Variants in MGAT4C observed in about 807,000 individuals in gnomAD.
MGAT4C encodes the protein alpha-1,3-mannosyl-glycoprotein 4-beta-N-acetylglucosaminyltransferase C.
In MGAT4C, 19 loss-of-function variants were observed where a neutral mutation model predicts 40.1. That is an observed-to-expected ratio of 0.47 (90% confidence interval 0.33 to 0.70). The LOEUF (loss-of-function observed/expected upper bound fraction) is 0.70, where lower values mean the gene tolerates loss of function less well. Among genes scored for constraint, MGAT4C ranks in the 30% least tolerant of loss-of-function variants. The probability of loss-of-function intolerance (pLI) is 0.02; values close to 1 mark genes in which losing one functional copy is unlikely to be tolerated. For missense variants in MGAT4C, 491 were observed against 563.2 expected (o/e 0.87, Z 1.30); for synonymous variants, 181 against 187.1 (o/e 0.97, Z 0.27).
intron 2 of MGAT4C, among the ~76,000 whole-genome samples, chr12:86,691,295 C>A (rs1950169175): frequency 6.6e-6 from 1 of 152,088 alleles, no homozygotes; most frequent in Admixed American, 6.6e-5. Context: ...AGAGAGAAAC[C>A]AAAAGCAATA....
chr12:86,262,408 T>A (rs1952677628), intron 4 of MGAT4C, among the ~76,000 whole-genome samples: 1 of 152,156 alleles, frequency 6.6e-6, no homozygotes, highest in African/African-American at 2.4e-5. Flanking sequence ...TTTCTTTTTA[T>A]CTAGGTGTCT....
intron 2 of MGAT4C, among the ~76,000 whole-genome samples, chr12:86,718,196 G>A (rs1369121743): frequency 6.6e-6 from 1 of 152,156 alleles, no homozygotes; most frequent in Non-Finnish European, 1.5e-5. Flanking sequence ...AACCATGATG[G>A]TAAAATAAAC....
At chr12:86,704,862 T>C (rs1950427310) in intron 2 of MGAT4C, among the ~76,000 whole-genome samples, 2 of 152,136 alleles carry the variant, frequency 1.3e-5, no homozygotes, top group Non-Finnish European at 2.9e-5. Context: ...ATGCCAACCA[T>C]GTCACTGTCA....
intron 3 of MGAT4C, among the ~76,000 whole-genome samples, chr12:86,398,900 C>T (rs754887970): frequency 6.6e-6 from 1 of 152,096 alleles, no homozygotes; most frequent in Non-Finnish European, 1.5e-5. Flanking sequence ...TCTGAACAGG[C>T]AGGTCTGGGA....
At chr12:86,053,721 AAACT>A (rs911382400) in intron 1 of MGAT4C, among the ~76,000 whole-genome samples, 3 of 152,036 alleles carry the variant, frequency 2.0e-5, no homozygotes, top group Admixed American at 6.6e-5. Context: ...GAACTCAAAC[AAACT>A]ATTAGCAAGA....
At chr12:86,171,049 A>C (rs1886775710) in intron 1 of MGAT4C, among the ~76,000 whole-genome samples, 1 of 151,942 alleles carries the variant, frequency 6.6e-6, no homozygotes, top group Admixed American at 6.6e-5. Flanking sequence ...AGACTTTTCA[A>C]TATCCATGAT....
intron 1 of MGAT4C, among the ~76,000 whole-genome samples, chr12:86,801,669 T>A (rs930748429): frequency 2.6e-5 from 4 of 151,704 alleles, no homozygotes; most frequent in African/African-American, 9.7e-5. Context: ...TTGGAATGAG[T>A]CATTCTTTTC....
intron 1 of MGAT4C, among the ~76,000 whole-genome samples, chr12:86,794,174 A>G (rs1952073238): frequency 6.6e-6 from 1 of 151,824 alleles, no homozygotes; most frequent in South Asian, 2.1e-4. Context: ...TAGATTTTAT[A>G]AAAATATATT....
intron 1 of MGAT4C, among the ~76,000 whole-genome samples, chr12:86,245,529 A>G (rs1358331584): frequency 6.6e-6 from 1 of 152,116 alleles, no homozygotes; most frequent in Admixed American, 6.5e-5. Context: ...AGTCATCTTC[A>G]GTTTAGCCCG....
chr12:86,343,205 AT>A (rs1467775343), intron 3 of MGAT4C, among the ~76,000 whole-genome samples: 1 of 152,202 alleles, frequency 6.6e-6, no homozygotes, highest in Non-Finnish European at 1.5e-5. Flanking sequence ...AGAAACATAC[AT>A]ATACTGGTTG....
chr12:86,548,476 A>G (rs1464269701), intron 2 of MGAT4C, among the ~76,000 whole-genome samples: 1 of 152,044 alleles, frequency 6.6e-6, no homozygotes. Flanking sequence ...CCAATTCCCA[A>G]TTTGCTTTAG....
chr12:86,126,529 G>T (rs1411099193), intron 1 of MGAT4C, among the ~76,000 whole-genome samples: 6 of 151,940 alleles, frequency 3.9e-5, no homozygotes, highest in African/African-American at 1.5e-4. Context: ...ATAGAAATAA[G>T]ATATCTCAGT....
intron 1 of MGAT4C, among the ~76,000 whole-genome samples, chr12:86,171,852 G>A (rs1886889274): frequency 6.6e-6 from 1 of 152,100 alleles, no homozygotes; most frequent in Non-Finnish European, 1.5e-5. Flanking sequence ...CTCACCCTTA[G>A]AATTTATTTT....
At position 86,749,135 on chromosome 12, in the gene MGAT4C, A is replaced by G. The variant is rs548427827; in HGVS notation, c.-261-21894T>C. Among the ~76,000 whole-genome samples the G allele has an allele frequency of 2.0e-4, 31 of 151,788 alleles. 1 individual carries two copies. The South Asian group carries it at 6.2e-3, about 30-fold the overall frequency. ...AGCTGCAAACAAACATGTTTAAAGT[A>G]ATGTTAAGAGTAATCAGACATAATT... On this transcript the variant is annotated intron_variant, in intron 1 of 7. Coordinates refer to the MGAT4C transcript ENST00000548651.
chr12:85,992,316 A>G (rs1200862678), intron 2 of MGAT4C, among the ~76,000 whole-genome samples: 1 of 152,162 alleles, frequency 6.6e-6, no homozygotes, highest in East Asian at 1.9e-4. Context: ...GTGTCCTTTC[A>G]TGCATATCTA....
At chr12:86,107,567 T>A (rs1170447420) in intron 1 of MGAT4C, among the ~76,000 whole-genome samples, 3 of 152,114 alleles carry the variant, frequency 2.0e-5, no homozygotes, top group African/African-American at 7.2e-5. Context: ...ATATAAAAAG[T>A]TTTTTCTTAG....
chr12:86,768,080 C>T (rs980514517), intron 1 of MGAT4C, among the ~76,000 whole-genome samples: 1 of 152,074 alleles, frequency 6.6e-6, no homozygotes, highest in African/African-American at 2.4e-5. Context: ...TCAAATTATC[C>T]CTGTTTGCAG....
intron 1 of MGAT4C, among the ~76,000 whole-genome samples, chr12:86,096,496 T>G (rs1476589113): frequency 6.6e-6 from 1 of 151,250 alleles, no homozygotes; most frequent in Non-Finnish European, 1.5e-5. Flanking sequence ...ATTGGTTGTC[T>G]GTTGTTTTAA....
chr12:86,779,712 G>A (rs187624398), intron 1 of MGAT4C, among the ~76,000 whole-genome samples: 2 of 152,090 alleles, frequency 1.3e-5, no homozygotes, highest in African/African-American at 4.8e-5. Context: ...AGGAGATGGA[G>A]ACCATCCTGG....
Sources: gnomAD v4.1 joint callset for allele counts (sites outside exome capture counted in the v4.1 genomes callset) on GRCh38, gnomAD v4.1.1 for gene constraint, MANE v1.5 for transcripts, NCBI Gene and HGNC (gene_info 2026-07-23, HGNC 2026-07-21) for gene names.